The following IGSF11 variants were observed in gnomAD, a reference collection of about 807,000 sequenced individuals.
IGSF11 encodes CXADR like 1.
IGSF11 carries 22 observed loss-of-function variants against 41.0 expected under a neutral mutation model. That is an observed-to-expected ratio of 0.54 (90% CI 0.38 to 0.77). The LOEUF is 0.77. IGSF11 is among the 30% of genes least tolerant of loss of function. The pLI is 0.00. For synonymous variants in IGSF11, 219 were observed against 201.3 expected (o/e 1.09, Z -0.74); for missense variants, 444 against 530.8 (o/e 0.84, Z 1.61).
intron 1 of IGSF11, among the ~76,000 whole-genome samples, chr3:118,936,414 G>A (rs2107547464): frequency 6.6e-6 from 1 of 152,042 alleles, no homozygotes; most frequent in South Asian, 2.1e-4. Flanking sequence ...GGCTGAGGCA[G>A]GAGAGTCGCT....
Position 118,907,283 on chromosome 3 carries a change from AATTC to A in IGSF11, c.581-1569_581-1566del, listed in dbSNP as rs1246422365. On this transcript the variant is annotated intron_variant, in intron 4 of 6. Transcript: ENST00000393775. ...CTGAGTAAAGTGTGCAGCATTTATT[AATTC>A]ATTCATTTAATAAATAAATATTTAT... Among the ~76,000 whole-genome samples, 8 of 152,312 alleles carry A rather than the reference AATTC, an allele frequency of 5.3e-5. No homozygotes were observed. The East Asian group carries it at 1.4e-3, about 26-fold the overall frequency.
intron 1 of IGSF11, among the ~76,000 whole-genome samples, chr3:118,977,408 T>C (rs2107629660): frequency 6.6e-6 from 1 of 152,298 alleles, no homozygotes; most frequent in East Asian, 1.9e-4. Context: ...GTCTTGGGTA[T>C]TAATTCTTTA....
At chr3:119,050,845 A>C (rs1211180066) in intron 1 of IGSF11, among the ~76,000 whole-genome samples, 1 of 152,152 alleles carries the variant, frequency 6.6e-6, no homozygotes, top group East Asian at 1.9e-4. Context: ...TGTCCTTTGT[A>C]GGGACATGGA....
intron 4 of IGSF11, among the ~76,000 whole-genome samples, chr3:118,911,674 A>C (rs932742718): frequency 1.3e-5 from 2 of 151,894 alleles, no homozygotes; most frequent in Non-Finnish European, 1.5e-5. Flanking sequence ...AACAAAGAGG[A>C]GAGAGGAGAG....
chr3:119,028,231 G>C (rs547924265), intron 1 of IGSF11, among the ~76,000 whole-genome samples: 1 of 152,280 alleles, frequency 6.6e-6, no homozygotes, highest in Non-Finnish European at 1.5e-5. Context: ...TCATGGCTGG[G>C]ATAAACTATG....
At chr3:119,009,163 C>A (rs1205919488) in intron 1 of IGSF11, among the ~76,000 whole-genome samples, 2 of 152,040 alleles carry the variant, frequency 1.3e-5, no homozygotes, top group African/African-American at 4.8e-5. Context: ...AATGTTCACC[C>A]TTTCAGACTA....
intron 1 of IGSF11, among the ~76,000 whole-genome samples, chr3:119,075,339 A>G (rs1210403504): frequency 6.6e-6 from 1 of 152,086 alleles, no homozygotes; most frequent in African/African-American, 2.4e-5. Context: ...ATAATAAAAA[A>G]CCTACCAAGC....
chr3:119,074,320 GACC>G (rs1196708192), intron 1 of IGSF11, among the ~76,000 whole-genome samples: 1 of 151,888 alleles, frequency 6.6e-6, no homozygotes, highest in Non-Finnish European at 1.5e-5. Context: ...TACATTCATG[GACC>G]ACAGTGCAAT....
chr3:118,931,832 A>G (rs908392556), intron 1 of IGSF11, among the ~76,000 whole-genome samples: 2 of 150,482 alleles, frequency 1.3e-5, no homozygotes, highest in African/African-American at 4.9e-5. Flanking sequence ...TCCCAGGTTC[A>G]TGCCATTCTC....
chr3:118,963,090 T>G (rs1945451400), intron 1 of IGSF11, among the ~76,000 whole-genome samples: 1 of 152,092 alleles, frequency 6.6e-6, no homozygotes, highest in Non-Finnish European at 1.5e-5. Flanking sequence ...ATCTCTGGGC[T>G]CTGGTGAACT....
intron 1 of IGSF11, among the ~76,000 whole-genome samples, chr3:119,130,709 C>T (rs1299095863): frequency 6.6e-6 from 1 of 151,410 alleles, no homozygotes; most frequent in East Asian, 1.9e-4. Flanking sequence ...AGCAGTGATT[C>T]TCCAGACAGA....
chr3:119,101,177 T>C (rs1189673941), intron 1 of IGSF11, among the ~76,000 whole-genome samples: 1 of 152,204 alleles, frequency 6.6e-6, no homozygotes, highest in Non-Finnish European at 1.5e-5. Context: ...ATAGCCTCTT[T>C]TTACAAATTT....
intron 1 of IGSF11, among the ~76,000 whole-genome samples, chr3:118,939,330 C>T (rs1355926893): frequency 6.6e-6 from 1 of 151,914 alleles, no homozygotes; most frequent in African/African-American, 2.4e-5. Context: ...AATCCCAGCA[C>T]TTTGGGACGC....
At chr3:119,099,224 G>C (rs2076903880) in intron 1 of IGSF11, among the ~76,000 whole-genome samples, 1 of 152,170 alleles carries the variant, frequency 6.6e-6, no homozygotes, top group African/African-American at 2.4e-5. Flanking sequence ...GATTACTGAA[G>C]TTCTGCAGAG....
intron 1 of IGSF11, among the ~76,000 whole-genome samples, chr3:118,990,810 A>ATT (rs56314531): frequency 3.9e-5 from 6 of 151,942 alleles, no homozygotes; most frequent in African/African-American, 1.5e-4. Flanking sequence ...ACCAAGACTC[A>ATT]TTTTTTCAAC....
intron 1 of IGSF11, among the ~76,000 whole-genome samples, chr3:118,940,159 C>A (rs1273254179): frequency 2.0e-5 from 3 of 152,090 alleles, no homozygotes; most frequent in Non-Finnish European, 4.4e-5. Flanking sequence ...CTTGCCACTT[C>A]TATTTAACAT....
intron 1 of IGSF11, among the ~76,000 whole-genome samples, chr3:118,970,208 A>G (rs1438449320): frequency 1.3e-5 from 2 of 152,222 alleles, no homozygotes; most frequent in South Asian, 2.1e-4. Flanking sequence ...TAAAATTCAA[A>G]AGTCAAGAAT....
At chr3:119,074,079 C>A (rs554051439) in intron 1 of IGSF11, among the ~76,000 whole-genome samples, 1 of 152,344 alleles carries the variant, frequency 6.6e-6, no homozygotes, top group South Asian at 2.1e-4. Flanking sequence ...GAGATTTCAA[C>A]ACCACACTGA....
intron 1 of IGSF11, among the ~76,000 whole-genome samples, chr3:119,018,768 G>T (rs1938999364): frequency 6.6e-6 from 1 of 152,182 alleles, no homozygotes; most frequent in African/African-American, 2.4e-5. Context: ...ATGAAAATTT[G>T]ACATCCAGAC....
Sources: allele counts gnomAD v4.1 joint callset (sites outside exome capture counted in the v4.1 genomes callset), GRCh38; gene constraint gnomAD v4.1.1; transcripts MANE v1.5; gene names NCBI Gene and HGNC (gene_info 2026-07-23, HGNC 2026-07-21).